IBTK: variants seen among roughly 807,000 people sequenced by gnomAD.
The protein encoded by IBTK is BTK-binding protein.
Under a neutral mutation model 154.9 loss-of-function variants are expected in IBTK, and 83 were observed. The ratio of observed to expected loss-of-function variants is 0.54; its 90% CI spans 0.45 to 0.64. The LOEUF (loss-of-function observed/expected upper bound fraction) is 0.64. Ranked by LOEUF, IBTK falls within the 30% of genes least tolerant of loss-of-function variation. The pLI, the probability that IBTK is intolerant of heterozygous loss-of-function variation, is 0.00. For synonymous variants in IBTK, 515 were observed against 536.1 expected (o/e 0.96, Z 0.54); for missense variants, 1,332 against 1,584.6 (o/e 0.84, Z 2.71).
intron 11 of IBTK, among the ~76,000 whole-genome samples, chr6:82,215,812 A>C (rs970084660): frequency 6.6e-6 from 1 of 151,734 alleles, no homozygotes; most frequent in African/African-American, 2.4e-5. Context: ...AAAGACAATA[A>C]ACTTTGTGAG....
chr6:82,243,717 T>A (rs7764732), intron 1 of IBTK, among the ~76,000 whole-genome samples: 36,193 of 152,056 alleles, frequency 0.24, 4,335 homozygotes, highest in African/African-American at 0.28. Flanking sequence ...AAATAGTTCA[T>A]CCAGTTAATT....
Position 82,216,216 on chromosome 6 carries a change from A to T in IBTK, c.1461T>A (p.Asp487Glu). Residue 487 changes from aspartate (D) to glutamate (E), a missense_variant, in exon 11 of 29, where the codon GAT becomes GAA. Around this residue, in one of 3 missense-constraint regions of IBTK, gnomAD observed 1,134 missense variants for 1,274.7 expected, o/e 0.89. Coordinates refer to ENST00000306270, the MANE Select transcript of IBTK (RefSeq NM_015525.4). ...ILSNLHNSSS[D>E]VSYVSDINSV... The stretch of plus-strand genomic sequence containing the variant: ...TATTTATATCAGAGACATAAGACAC[A>T]TCTGATGAGGAATTGTGAAGGTTTG... 1.3e-6 allele frequency: 2 copies of T among 1,595,772 alleles called. No homozygotes were observed. The highest frequency in any genetic ancestry group is 1.7e-6 in the Non-Finnish European group (2 of 1,174,180).
intron 17 of IBTK, among the ~76,000 whole-genome samples, chr6:82,204,391 A>G (rs1769320925): frequency 6.6e-6 from 1 of 152,220 alleles, no homozygotes; most frequent in Non-Finnish European, 1.5e-5. Context: ...GAAATTAACT[A>G]AGATAATGAA....
At chr6:82,191,261 T>C (rs1293422281) in intron 24 of IBTK, 45 bp from the exon 25 acceptor site, 1 of 1,471,698 alleles carries the variant, frequency 6.8e-7, no homozygotes, top group Admixed American at 2.2e-5. Context: ...TCTGACAAAG[T>C]TTAATTCCAT....
chr6:82,189,554 AG>A (rs1768686257), intron 25 of IBTK, among the ~76,000 whole-genome samples: 1 of 152,190 alleles, frequency 6.6e-6, no homozygotes, highest in South Asian at 2.1e-4. Context: ...AGAAAACCAC[AG>A]GATCAAGAAA....
At chr6:82,198,559 TA>T (rs530834996) in intron 21 of IBTK, among the ~76,000 whole-genome samples, 20 of 149,704 alleles carry the variant, frequency 1.3e-4, no homozygotes, top group African/African-American at 2.9e-4. Context: ...TCAGTAAACA[TA>T]AAAAAAAAAT....
intron 8 of IBTK, among the ~76,000 whole-genome samples, chr6:82,221,683 CT>C: frequency 6.6e-6 from 1 of 152,108 alleles, no homozygotes; most frequent in Admixed American, 6.5e-5. Flanking sequence ...CCTTAATGTA[CT>C]CTTGGATATA....
At chr6:82,187,062 T>C (rs1441551990) in intron 25 of IBTK, among the ~76,000 whole-genome samples, 2 of 151,906 alleles carry the variant, frequency 1.3e-5, no homozygotes, top group African/African-American at 4.8e-5. Flanking sequence ...ATTACAGGCA[T>C]GCAACACCAT....
intron 1 of IBTK, among the ~76,000 whole-genome samples, chr6:82,244,022 T>C (rs1771052467): frequency 6.6e-6 from 1 of 152,176 alleles, no homozygotes; most frequent in Non-Finnish European, 1.5e-5. Flanking sequence ...TTTACATACA[T>C]AGATTCAAAT....
intron 8 of IBTK, among the ~76,000 whole-genome samples, chr6:82,223,003 T>C (rs1197267410): frequency 6.6e-6 from 1 of 151,870 alleles, no homozygotes; most frequent in Non-Finnish European, 1.5e-5. Context: ...TTTTAAAAAA[T>C]ATACTTATCA....
rs187938648 is a variant in IBTK at position 82,203,123 on chromosome 6, G to A, written c.2612-478C>T. On this transcript the variant is annotated intron_variant, in intron 17 of 28. Transcript: ENST00000306270. ...GTTATCTATCAGAATTCATGTGGGT[G>A]TATATATATACATGTAAGTATATAA... Among the ~76,000 whole-genome samples, 9 of 152,064 alleles carry A rather than the reference G, an allele frequency of 5.9e-5. No individual in the cohort carries two copies. The East Asian group carries it at 1.4e-3, about 23-fold the overall frequency.
chr6:82,239,679 C>T (rs114112741), intron 2 of IBTK, among the ~76,000 whole-genome samples: 1,807 of 152,050 alleles, frequency 0.012, 31 homozygotes, highest in African/African-American at 0.039. Context: ...TCTTTCCACT[C>T]TAACCAATTA....
intron 8 of IBTK, among the ~76,000 whole-genome samples, chr6:82,222,169 C>CA (rs57962676): frequency 0.33 from 32,632 of 98,166 alleles, 3,904 homozygotes; most frequent in African/African-American, 0.39. Flanking sequence ...GACAATGTCT[C>CA]AAAAAAAAAA....
chr6:82,238,031 A>G (rs975709927), intron 2 of IBTK, among the ~76,000 whole-genome samples: 10 of 151,976 alleles, frequency 6.6e-5, no homozygotes, highest in Non-Finnish European at 1.3e-4. Flanking sequence ...ATCACTTGAG[A>G]TCAGGAGTTC....
At position 82,214,448 on chromosome 6, in the gene IBTK, C is replaced by T. The variant is rs754743772; in HGVS notation, c.1983G>A (p.Gln661=). The change falls in exon 12 of 29, where the codon CAG becomes CAA. Residue 661 remains glutamine (Q), a synonymous_variant. Transcript: ENST00000306270. The part of the protein sequence containing the change: ...IHLNKNPEEY[Q]GTLNSHLNKV... ...TATTCAAATGAGAATTCAGAGTTCC[C>T]TGATATTCTTCTGGGTTTTTGTTTA... The T allele has an allele frequency of 2.5e-6, 4 of 1,613,796 alleles. No homozygotes were observed. Among genetic ancestry groups the T allele is most frequent in the African/African-American group, 1.3e-5 (1 of 74,888 alleles).
At chr6:82,172,760 C>T (rs9449441) in intron 27 of IBTK, 59,472 of 376,358 alleles carry the variant, frequency 0.16, 5,129 homozygotes, top group Non-Finnish European at 0.18. Flanking sequence ...GATGAGCGAA[C>T]CTGGAAGCTT....
At chr6:82,223,918 C>A (rs760117199) in intron 7 of IBTK, 150 bp downstream of exon 7, 23 of 614,718 alleles carry the variant, frequency 3.7e-5, no homozygotes, top group Non-Finnish European at 6.2e-5. Flanking sequence ...CCCTGAACTC[C>A]AGCTAGGATG....
Position 82,247,671 on chromosome 6 carries a change from C to A in IBTK, c.-467G>T. 1 of 398,898 alleles carries A rather than the reference C, an allele frequency of 2.5e-6. No individual in the cohort carries two copies. The allele number at this position is 398,898 out of a possible 1,614,324, so 24.7% of individuals were successfully genotyped here. On this transcript the variant is annotated 5_prime_UTR_variant, in exon 1 of 29. Transcript: ENST00000306270. ...GAGAAACCGAACGGCGCCAGAGGGGCCAGTCCCCAGACCCGGGTCAGTTCG... is the reference window on the plus strand; with the variant it reads ...GAGAAACCGAACGGCGCCAGAGGGGACAGTCCCCAGACCCGGGTCAGTTCG...
chr6:82,242,899 C>T (rs9353062), intron 1 of IBTK, among the ~76,000 whole-genome samples: 36,064 of 148,560 alleles, frequency 0.24, 4,355 homozygotes, highest in African/African-American at 0.29. Context: ...ATCCCGCCAC[C>T]GCACTCCAGT....
Sources: allele counts gnomAD v4.1 joint callset (sites outside exome capture counted in the v4.1 genomes callset), GRCh38; gene constraint gnomAD v4.1.1; regional missense constraint gnomAD v4.1.1; transcripts MANE v1.5; gene names NCBI Gene and HGNC (gene_info 2026-07-23, HGNC 2026-07-21).